Variants in COL4A3 observed in about 807,000 individuals in gnomAD.
COL4A3 encodes the protein collagen alpha-3(IV) chain.
In COL4A3, 135 loss-of-function variants were observed where a neutral mutation model predicts 217.4. The observed-to-expected ratio is 0.62, with a 90% CI of 0.54 to 0.72. COL4A3 has a LOEUF of 0.72. Ranked by LOEUF, COL4A3 falls within the 30% of genes least tolerant of loss-of-function variation. COL4A3 has a pLI of 0.00. For missense variants in COL4A3, 1,868 were observed against 2,119.9 expected (o/e 0.88, Z 2.33); for synonymous variants, 690 against 736.3 (o/e 0.94, Z 1.02).
chr2:227,263,774 T>C lies in COL4A3; in HGVS notation c.1151-6T>C. Reference sequence around the variant, plus strand: ...TAAAATACAAGAAATGATTATTTTCTCCAAGGATCATCAAGGCCTGGCCTC... The same window carrying C: ...TAAAATACAAGAAATGATTATTTTCCCCAAGGATCATCAAGGCCTGGCCTC... On this transcript the variant is annotated splice_region_variant and splice_polypyrimidine_tract_variant and intron_variant, in intron 20 of 51. Transcript: ENST00000396578. 6.2e-7 allele frequency: 1 copy of C among 1,612,804 alleles called. No individual in the cohort carries two copies. The highest frequency in any genetic ancestry group is 8.5e-7 in the Non-Finnish European group (1 of 1,179,302).
chr2:227,209,966 A>G (rs1051267882), intron 1 of COL4A3, among the ~76,000 whole-genome samples: 9 of 152,218 alleles, frequency 5.9e-5, no homozygotes, highest in African/African-American at 1.9e-4. Context: ...GGTAATTGGG[A>G]TGTTAGGCAA....
At chr2:227,174,255 G>A (rs1160484878) in intron 1 of COL4A3, among the ~76,000 whole-genome samples, 1 of 152,064 alleles carries the variant, frequency 6.6e-6, no homozygotes, top group Non-Finnish European at 1.5e-5. Context: ...ATTGGAAAAA[G>A]GAATGGGGCA....
chr2:227,202,278 T>C (rs550377519), intron 1 of COL4A3, among the ~76,000 whole-genome samples: 1 of 152,334 alleles, frequency 6.6e-6, no homozygotes, highest in South Asian at 2.1e-4. Flanking sequence ...ATTTTCCTTG[T>C]GGCTGTCCCC....
intron 44 of COL4A3, 95 bp downstream of exon 44, chr2:227,303,205 G>C (rs979518069): frequency 8.5e-6 from 9 of 1,059,644 alleles, no homozygotes; most frequent in Non-Finnish European, 1.3e-5. Flanking sequence ...CAGACAGCTG[G>C]GGTTAGTACA....
At chr2:227,174,695 CG>C (rs1301584367) in intron 1 of COL4A3, among the ~76,000 whole-genome samples, 2 of 152,070 alleles carry the variant, frequency 1.3e-5, no homozygotes, top group African/African-American at 4.8e-5. Context: ...TTAGAAGAGA[CG>C]GGGTCTCACC....
intron 11 of COL4A3, among the ~76,000 whole-genome samples, chr2:227,252,214 T>TC (rs199500344): frequency 1.4e-3 from 21 of 14,584 alleles, no homozygotes; most frequent in Non-Finnish European, 2.9e-3. Flanking sequence ...CTTTCTTTCT[T>TC]TTTTTTTTTT....
At chr2:227,304,928 C>A in intron 46 of COL4A3, 57 bp from the exon 47 acceptor site, 7 of 1,420,906 alleles carry the variant, frequency 4.9e-6, no homozygotes, top group Middle Eastern at 2.0e-4. Context: ...GGATGGTTGG[C>A]CACCTTACTT....
At chr2:227,241,772 C>G (rs1025846790) in intron 3 of COL4A3, among the ~76,000 whole-genome samples, 2 of 152,164 alleles carry the variant, frequency 1.3e-5, no homozygotes, top group Admixed American at 1.3e-4. Context: ...TGCATATGTA[C>G]TCTGTGCCAG....
At chr2:227,181,612 G>T (rs1023903518) in intron 1 of COL4A3, among the ~76,000 whole-genome samples, 8 of 152,078 alleles carry the variant, frequency 5.3e-5, no homozygotes, top group African/African-American at 1.4e-4. Context: ...GAATATTTTG[G>T]TATATTTGCA....
intron 51 of COL4A3, 26 bp downstream of exon 51, chr2:227,310,974 C>A (rs924121648): frequency 1.2e-6 from 2 of 1,611,316 alleles, no homozygotes; most frequent in Non-Finnish European, 1.7e-6. Flanking sequence ...CAAGCTTAAT[C>A]TGATGACTCA....
chr2:227,279,173 G>A (rs2071779559), intron 28 of COL4A3, among the ~76,000 whole-genome samples: 1 of 151,686 alleles, frequency 6.6e-6, no homozygotes, highest in South Asian at 2.1e-4. Context: ...CTGCCTCCTG[G>A]GTTCAAGCGA....
intron 1 of COL4A3, among the ~76,000 whole-genome samples, chr2:227,185,383 T>C (rs2125684919): frequency 6.6e-6 from 1 of 152,294 alleles, no homozygotes; most frequent in East Asian, 1.9e-4. Flanking sequence ...ACAGTGCTGC[T>C]AGACAACATG....
intron 1 of COL4A3, among the ~76,000 whole-genome samples, chr2:227,222,175 A>G (rs914490234): frequency 1.7e-5 from 2 of 114,750 alleles, no homozygotes; most frequent in African/African-American, 2.8e-5. Flanking sequence ...TGATAATGAT[A>G]ATAAAAAGCT....
chr2:227,308,967 T>G lies in COL4A3; in HGVS notation c.4531T>G (p.Cys1511Gly). ...PFLFCNVNDV[C>G]NFASRNDYSY... ...CTTATTCTGCAATGTCAATGATGTA[T>G]GTAATTTTGCATCTCGAAATGATTA... is the stretch of plus-strand genomic sequence containing the variant. The change falls in exon 49 of 52, where the codon TGT becomes GGT. Residue 1511 changes from cysteine to glycine, a missense_variant. Cys to Gly is a radical substitution (Grantham distance 159, BLOSUM62 -3). This residue lies in a region of COL4A3 where 1,503 missense variants were observed against 1,786.1 expected (regional missense o/e 0.84). Coordinates refer to ENST00000396578, the MANE Select transcript of COL4A3 (RefSeq NM_000091.5). 1 of 1,614,226 alleles carries G rather than the reference T, an allele frequency of 6.2e-7. No individual in the cohort carries two copies. The highest frequency in any genetic ancestry group is 8.5e-7 in the Non-Finnish European group (1 of 1,180,022).
rs2106295155 is a variant in COL4A3 at position 227,310,948 on chromosome 2, G to A, written c.4928G>A (p.Arg1643Lys). ...TCATTAAACCCAGAAAGAATGTTCAGGTAACTATTCACCATCAAGCTTAAT... is the reference window on the plus strand; with the variant it reads ...TCATTAAACCCAGAAAGAATGTTCAAGTAACTATTCACCATCAAGCTTAAT... ...LASLNPERMF[R>K]KPIPSTVKAG... Residue 1643 changes from arginine to lysine, a missense_variant and splice_region_variant, in exon 51 of 52, where the codon AGA becomes AAA. Arg to Lys is a conservative substitution (Grantham distance 26, BLOSUM62 2). Transcript: ENST00000396578. 3 of 1,613,240 alleles carry A rather than the reference G, an allele frequency of 1.9e-6. No individual in the cohort carries two copies. The highest frequency in any genetic ancestry group is 2.2e-5 in the East Asian group (1 of 44,880).
chr2:227,209,352 G>A (rs553883051), intron 1 of COL4A3, among the ~76,000 whole-genome samples: 59 of 152,302 alleles, frequency 3.9e-4, no homozygotes, highest in Non-Finnish European at 7.8e-4. Flanking sequence ...AGTGGCCTTA[G>A]GTCCTCAGCA....
At position 227,167,398 on chromosome 2, in the gene COL4A3, G is replaced by A. The variant is rs192707507; in HGVS notation, c.87+2585G>A. On this transcript the variant is annotated intron_variant, in intron 1 of 51. Transcript: ENST00000396578. Reference sequence around the variant, plus strand: ...CATCCAGTTCCAGGCTGGCTGCCCAGCGCATCCCCAGGTTTTATAGCTGTC... The same window carrying A: ...CATCCAGTTCCAGGCTGGCTGCCCAACGCATCCCCAGGTTTTATAGCTGTC... Among the ~76,000 whole-genome samples, 10 of 152,332 alleles carry A rather than the reference G, an allele frequency of 6.6e-5. No homozygotes were observed. The East Asian group carries it at 1.3e-3, about 21-fold the overall frequency.
At position 227,310,961 on chromosome 2, in the gene COL4A3, C is replaced by T; in HGVS notation, c.4928+13C>T. ...AAAGAATGTTCAGGTAACTATTCAC[C>T]ATCAAGCTTAATCTGATGACTCAAT... On this transcript the variant is annotated intron_variant, in intron 51 of 51. Transcript: ENST00000396578. 6.2e-7 allele frequency: 1 copy of T among 1,612,714 alleles called. No homozygotes were observed. The highest frequency in any genetic ancestry group is 8.5e-7 in the Non-Finnish European group (1 of 1,179,888).
At chr2:227,245,743 C>G in intron 5 of COL4A3, 1 of 614,168 alleles carries the variant, frequency 1.6e-6, no homozygotes. Context: ...TTTGAAATAT[C>G]CACATCTCAT....
Sources: allele counts gnomAD v4.1 joint callset (sites outside exome capture counted in the v4.1 genomes callset), GRCh38; gene constraint gnomAD v4.1.1; regional missense constraint gnomAD v4.1.1; transcripts MANE v1.5; gene names NCBI Gene and HGNC (gene_info 2026-07-23, HGNC 2026-07-21).